Variants in COBL observed in about 807,000 individuals in gnomAD.
COBL encodes protein cordon-bleu.
A neutral mutation model predicts 98.8 loss-of-function variants in COBL; 51 were observed. That is an observed-to-expected ratio of 0.52 (90% CI 0.41 to 0.65). COBL has a LOEUF of 0.65. Among genes scored for constraint, COBL ranks in the 30% least tolerant of loss-of-function variants. The pLI is 0.00. For synonymous variants in COBL, 634 were observed against 651.7 expected (o/e 0.97, Z 0.41); for missense variants, 1,617 against 1,617.5 (o/e 1.00, Z 0.01).
At chr7:51,155,188 C>T (rs1446216880) in intron 5 of COBL, among the ~76,000 whole-genome samples, 1 of 152,158 alleles carries the variant, frequency 6.6e-6, no homozygotes, top group Non-Finnish European at 1.5e-5. Context: ...CACAGCCAAA[C>T]CAATTACCAA....
chr7:51,307,124 C>G (rs1802552685), intron 1 of COBL, among the ~76,000 whole-genome samples: 1 of 152,070 alleles, frequency 6.6e-6, no homozygotes, highest in South Asian at 2.1e-4. Context: ...GCGGGTGGAT[C>G]ACTTGAAGTC....
chr7:51,156,192 GCACACA>G (rs146159564), intron 5 of COBL: 6 of 944,086 alleles, frequency 6.4e-6, no homozygotes, highest in Non-Finnish European at 7.6e-6. Context: ...AAAATACTCT[GCACACA>G]CACACACACA....
chr7:51,163,684 G>C (rs1787033117), intron 5 of COBL, among the ~76,000 whole-genome samples: 1 of 152,142 alleles, frequency 6.6e-6, no homozygotes, highest in Non-Finnish European at 1.5e-5. Context: ...CAGATTCATA[G>C]TATTCAATCA....
At chr7:51,270,111 T>C (rs1798620994) in intron 1 of COBL, among the ~76,000 whole-genome samples, 2 of 152,200 alleles carry the variant, frequency 1.3e-5, no homozygotes, top group Non-Finnish European at 2.9e-5. Flanking sequence ...ATGAGCACTT[T>C]TGCCAGGCAT....
chr7:51,048,372 T>G (rs1246526321), intron 7 of COBL, among the ~76,000 whole-genome samples: 1 of 152,166 alleles, frequency 6.6e-6, no homozygotes, highest in Non-Finnish European at 1.5e-5. Context: ...TAAATTGTAT[T>G]ACTGTTTAAT....
intron 1 of COBL, among the ~76,000 whole-genome samples, chr7:51,227,985 T>A (rs73697835): frequency 7.6e-4 from 115 of 152,124 alleles, no homozygotes; most frequent in African/African-American, 2.7e-3. Flanking sequence ...ACAATAAATA[T>A]CACACTGGAG....
At chr7:51,089,062 G>A (rs1378326108) in intron 6 of COBL, among the ~76,000 whole-genome samples, 1 of 152,146 alleles carries the variant, frequency 6.6e-6, no homozygotes, top group African/African-American at 2.4e-5. Context: ...CAGGCATTCA[G>A]CCATTCCTTC....
At chr7:51,163,579 C>A (rs1221895749) in intron 5 of COBL, among the ~76,000 whole-genome samples, 1 of 152,178 alleles carries the variant, frequency 6.6e-6, no homozygotes, top group Non-Finnish European at 1.5e-5. Flanking sequence ...TACTTTGATT[C>A]ATAGGAAAAG....
In COBL at chr7:51,114,783, T is replaced by C. The variant is rs557821129; in HGVS notation, c.957+21375A>G. 2.0e-5 allele frequency among the ~76,000 whole-genome samples: 3 copies of C among 152,346 alleles called. No homozygotes were observed. The South Asian group carries it at 6.2e-4, about 32-fold the overall frequency. ...TACCCTGTTACGTCACTCTTAATCATGTCCCCAACATATTCCTTGTGATAA... is the reference window on the plus strand; with the variant it reads ...TACCCTGTTACGTCACTCTTAATCACGTCCCCAACATATTCCTTGTGATAA... On this transcript the variant is annotated intron_variant, in intron 6 of 12. Transcript: ENST00000265136.
intron 4 of COBL, chr7:51,187,920 A>G: frequency 8.1e-7 from 1 of 1,232,404 alleles, no homozygotes; most frequent in Non-Finnish European, 1.0e-6. Context: ...GTACCTTGAC[A>G]GCTCAGGGAA....
chr7:51,102,191 T>A (rs1249445732), intron 6 of COBL, among the ~76,000 whole-genome samples: 5 of 152,202 alleles, frequency 3.3e-5, no homozygotes, highest in African/African-American at 1.2e-4. Context: ...CAGTGTGAGC[T>A]AAGACACCTC....
chr7:51,031,833 G>C (rs1788186056), intron 8 of COBL: 1 of 152,170 alleles, frequency 6.6e-6, no homozygotes, highest in Admixed American at 6.5e-5. Flanking sequence ...ATCTTGAACT[G>C]GGACATAAGG....
intron 6 of COBL, among the ~76,000 whole-genome samples, chr7:51,093,234 G>A (rs1267405624): frequency 6.6e-6 from 1 of 151,828 alleles, no homozygotes; most frequent in Non-Finnish European, 1.5e-5. Context: ...CAGACATTTT[G>A]CAAAAAAAAG....
chr7:51,085,144 C>T (rs367884667), intron 7 of COBL, 22 bp downstream of exon 7: 93 of 1,613,288 alleles, frequency 5.8e-5, no homozygotes, highest in East Asian at 2.2e-4. Context: ...CGCATGCAGA[C>T]GGCAGGCCGA....
Position 51,029,343 on chromosome 7 carries a change from C to G in COBL, c.1753G>C (p.Glu585Gln). Residue 585 changes from glutamate (E) to glutamine (Q), a missense_variant, in exon 10 of 13, where the codon GAG (glutamate) becomes CAG (glutamine). Physicochemically the swap from Glu to Gln is conservative, Grantham distance 29. Coordinates refer to ENST00000265136, the MANE Select transcript of COBL (RefSeq NM_015198.5). ...GCCTTTTCATGGGGCTGGCTGTGCTCAGCTTGAAGTGGCGCCAGGGAGTCT... is the reference window on the plus strand; with the variant it reads ...GCCTTTTCATGGGGCTGGCTGTGCTGAGCTTGAAGTGGCGCCAGGGAGTCT... ...RRDSLAPLQA[E>Q]HSQPHEKARE... 1 of 1,604,262 alleles carries G rather than the reference C, an allele frequency of 6.2e-7. No homozygotes were observed. The highest frequency in any genetic ancestry group is 8.5e-7 in the Non-Finnish European group (1 of 1,173,952).
In COBL at chr7:51,136,224, C is replaced by T; in HGVS notation, c.891G>A (p.Met297Ile). The change falls in exon 6 of 13, where the codon ATG (methionine) becomes ATA (isoleucine). Residue 297 changes from methionine to isoleucine, a missense_variant. This residue lies in a region of COBL where 1,304 missense variants were observed against 1,282.0 expected (regional missense o/e 1.02). Coordinates refer to ENST00000265136, the MANE Select transcript of COBL (RefSeq NM_015198.5). ...SISGVSVKSE[M>I]KKRRAPPPPG... ...GAGGAGGAGGGGCTCGGCGCTTCTT[C>T]ATCTCCGACTTCACGGACACCCCTG... 6.2e-7 allele frequency: 1 copy of T among 1,613,642 alleles called. No homozygotes were observed. The highest frequency in any genetic ancestry group is 8.5e-7 in the Non-Finnish European group (1 of 1,180,036).
At chr7:51,225,300 T>G (rs570769546) in intron 1 of COBL, among the ~76,000 whole-genome samples, 1 of 152,322 alleles carries the variant, frequency 6.6e-6, no homozygotes, top group East Asian at 1.9e-4. Flanking sequence ...TCTGTGCAGA[T>G]GTCATGTGGT....
rs186547975 is a variant in COBL, at chr7:51,045,040, G to A, written c.1097-1348C>T. Among the ~76,000 whole-genome samples the A allele has an allele frequency of 2.2e-3, 331 of 152,288 alleles. 1 individual carries two copies. Among genetic ancestry groups the A allele is most frequent in the Non-Finnish European group, 4.1e-3 (277 of 68,022 alleles). ...GAATGCAGTGATGCTGGTCTGCTGCGACCTCGCTCTTCTAGTTCTCTCCCC... is the reference window on the plus strand; with the variant it reads ...GAATGCAGTGATGCTGGTCTGCTGCAACCTCGCTCTTCTAGTTCTCTCCCC... On this transcript the variant is annotated intron_variant, in intron 7 of 12. Coordinates refer to ENST00000265136, the MANE Select transcript of COBL (RefSeq NM_015198.5).
intron 1 of COBL, among the ~76,000 whole-genome samples, chr7:51,255,649 C>T (rs1305628104): frequency 2.0e-5 from 3 of 152,122 alleles, no homozygotes; most frequent in East Asian, 1.9e-4. Context: ...AGTTCTCTGC[C>T]GAGATCACTT....
Sources: gnomAD v4.1 joint callset for allele counts (sites outside exome capture counted in the v4.1 genomes callset) on GRCh38, gnomAD v4.1.1 for gene constraint, gnomAD v4.1.1 regional missense constraint, MANE v1.5 for transcripts, NCBI Gene and HGNC (gene_info 2026-07-23, HGNC 2026-07-21) for gene names.